LPP: variants seen among roughly 807,000 people sequenced by gnomAD.
The protein encoded by LPP is lipoma-preferred partner.
LPP carries 38 observed loss-of-function variants against 60.4 expected under a neutral mutation model. The ratio of observed to expected loss-of-function variants is 0.63; its 90% CI spans 0.49 to 0.83. The LOEUF is 0.83. LPP is among the 40% of genes least tolerant of loss of function. The pLI, the probability that LPP is intolerant of heterozygous loss-of-function variation, is 0.00. For missense variants in LPP, 902 were observed against 783.6 expected, an observed-to-expected ratio of 1.15 and a Z score of -1.80; for synonymous variants, 328 against 290.8, an observed-to-expected ratio of 1.13 and a Z score of -1.30.
intron 7 of LPP, among the ~76,000 whole-genome samples, chr3:188,611,082 A>G (rs1049570288): frequency 3.3e-5 from 5 of 152,354 alleles, no homozygotes; most frequent in African/African-American, 9.6e-5. Flanking sequence ...TTTTTCTTAT[A>G]TGAAAGCGTC....
intron 6 of LPP, among the ~76,000 whole-genome samples, chr3:188,556,337 TTTTG>T (rs1276810678): frequency 6.6e-6 from 1 of 152,130 alleles, no homozygotes; most frequent in African/African-American, 2.4e-5. Context: ...CTTCAGTTTT[TTTTG>T]TTTGTTTGTT....
chr3:188,276,012 A>G (rs1234248874), intron 2 of LPP, among the ~76,000 whole-genome samples: 1 of 152,222 alleles, frequency 6.6e-6, no homozygotes, highest in Non-Finnish European at 1.5e-5. Flanking sequence ...CAGTGAAGAA[A>G]ACAAAGCCTG....
At chr3:188,407,719 C>T (rs993810914) in intron 4 of LPP, among the ~76,000 whole-genome samples, 2 of 149,452 alleles carry the variant, frequency 1.3e-5, no homozygotes, top group African/African-American at 2.5e-5. Context: ...GGAAGAGAAT[C>T]TCTCTTCATA....
intron 1 of LPP, among the ~76,000 whole-genome samples, chr3:188,215,284 T>G (rs1303577459): frequency 6.6e-6 from 1 of 151,326 alleles, no homozygotes; most frequent in African/African-American, 2.4e-5. Flanking sequence ...TTAACCTGGA[T>G]GACAGATCGA....
rs768685184 is a variant in LPP, at chr3:188,484,697, A to G, written c.299A>G (p.Lys100Arg). 4 of 1,604,224 alleles carry G rather than the reference A, an allele frequency of 2.5e-6. No homozygotes were observed. Among genetic ancestry groups the G allele is most frequent in the Non-Finnish European group, 3.4e-6 (4 of 1,171,104 alleles). Residue 100 changes from lysine (K) to arginine (R), a missense_variant, in exon 5 of 12, where the codon AAA (lysine) becomes AGA (arginine). Coordinates refer to ENST00000617246, the MANE Select transcript of LPP (RefSeq NM_001375462.1). ...CCACCTCTTGATGAAGAGGCTTTCA[A>G]AGTACAGGTAAGAGCTGAAGTTAAA... ...PPPPLDEEAFKVQGNPGGKTL... is the reference protein window; with the variant it reads ...PPPPLDEEAFRVQGNPGGKTL...
chr3:188,593,002 CTT>C (rs1204926707), intron 6 of LPP, among the ~76,000 whole-genome samples: 1 of 152,088 alleles, frequency 6.6e-6, no homozygotes, highest in Non-Finnish European at 1.5e-5. Flanking sequence ...AAAAATTCTT[CTT>C]GAATAATTCT....
At chr3:188,301,336 G>T (rs1749785365) in intron 2 of LPP, among the ~76,000 whole-genome samples, 1 of 152,204 alleles carries the variant, frequency 6.6e-6, no homozygotes. Flanking sequence ...AGGCCATGGG[G>T]ACCAGAAAGT....
At chr3:188,295,178 A>G (rs1225284789) in intron 2 of LPP, among the ~76,000 whole-genome samples, 1 of 152,204 alleles carries the variant, frequency 6.6e-6, no homozygotes, top group Middle Eastern at 3.2e-3. Context: ...GGTGAAACCA[A>G]TTCACATGAA....
chr3:188,200,668 A>T (rs1430735282), intron 1 of LPP, among the ~76,000 whole-genome samples: 1 of 152,164 alleles, frequency 6.6e-6, no homozygotes, highest in East Asian at 1.9e-4. Context: ...CTTCCAGATC[A>T]CACACAAGGA....
intron 7 of LPP, among the ~76,000 whole-genome samples, chr3:188,659,831 CACACACACAT>C (rs985234532): frequency 3.1e-5 from 4 of 129,916 alleles, no homozygotes; most frequent in Non-Finnish European, 5.2e-5. Context: ...CACACACACA[CACACACACAT>C]CATTTAAGAA....
rs565649674 is a variant in LPP at position 188,495,691 on chromosome 3, G to A, written c.306+10987G>A. ...TAGCATATTTTCTGACAAACCCCTT[G>A]TTGATTGTATCACATACCTTTTATC... On this transcript the variant is annotated intron_variant, in intron 5 of 11. Coordinates refer to ENST00000617246, the MANE Select transcript of LPP (RefSeq NM_001375462.1). Among the ~76,000 whole-genome samples, 12 of 152,160 alleles carry A rather than the reference G, an allele frequency of 7.9e-5. 1 individual carries two copies. Among genetic ancestry groups the A allele is most frequent in the African/African-American group, 2.6e-4 (11 of 41,518 alleles).
chr3:188,844,641 A>C (rs1760978876), intron 9 of LPP, among the ~76,000 whole-genome samples: 1 of 152,224 alleles, frequency 6.6e-6, no homozygotes, highest in Non-Finnish European at 1.5e-5. Flanking sequence ...TCTAATTAAA[A>C]AGGAATTTGA....
chr3:188,329,041 T>C (rs1327566971), intron 2 of LPP, among the ~76,000 whole-genome samples: 2 of 152,198 alleles, frequency 1.3e-5, no homozygotes, highest in Non-Finnish European at 2.9e-5. Context: ...GTAGCATTAA[T>C]GTAAATTTCA....
chr3:188,592,557 G>GTTGTTTGTTTT (rs1553936334), intron 6 of LPP, among the ~76,000 whole-genome samples: 5 of 85,764 alleles, frequency 5.8e-5, no homozygotes, highest in Admixed American at 1.3e-4. Context: ...TTTTGTTTTT[G>GTTGTTTGTTTT]TTTTTTAAAT....
intron 2 of LPP, among the ~76,000 whole-genome samples, chr3:188,236,315 G>C (rs1721910866): frequency 1.3e-5 from 2 of 152,190 alleles, no homozygotes; most frequent in Admixed American, 6.5e-5. Context: ...GATGGTAAGA[G>C]TATATGTGAA....
chr3:188,658,137 G>GTTTGGTTTAGTTTAGTTTAGTTTAGT (rs375100095), intron 7 of LPP, among the ~76,000 whole-genome samples: 1 of 146,000 alleles, frequency 6.8e-6, no homozygotes, highest in South Asian at 2.3e-4. Context: ...TTTAGTTTAG[G>GTTTGGTTTAGTTTAGTTTAGTTTAGT]TTAGTTTAGT....
At chr3:188,548,370 C>T (rs114005225) in intron 6 of LPP, among the ~76,000 whole-genome samples, 4 of 152,106 alleles carry the variant, frequency 2.6e-5, no homozygotes, top group Admixed American at 2.0e-4. Flanking sequence ...ATAGCTTAGT[C>T]CACCTCAGGT....
At chr3:188,157,346 C>T (rs890679353) in intron 1 of LPP, among the ~76,000 whole-genome samples, 6 of 151,840 alleles carry the variant, frequency 4.0e-5, no homozygotes, top group African/African-American at 9.7e-5. Context: ...TTGGTGGTGA[C>T]GTGTGACTTT....
At chr3:188,383,262 G>A (rs1264001972) in intron 3 of LPP, among the ~76,000 whole-genome samples, 1 of 152,046 alleles carries the variant, frequency 6.6e-6, no homozygotes, top group Non-Finnish European at 1.5e-5. Context: ...TGGTACATTT[G>A]TTCCTAGACA....
Sources: allele counts gnomAD v4.1 joint callset (sites outside exome capture counted in the v4.1 genomes callset), GRCh38; gene constraint gnomAD v4.1.1; transcripts MANE v1.5; gene names NCBI Gene and HGNC (gene_info 2026-07-23, HGNC 2026-07-21).